Variants in HTR4 observed in about 807,000 individuals in gnomAD.
The protein encoded by HTR4 is 5-hydroxytryptamine (serotonin) receptor 4, G protein-coupled.
In HTR4, 16 loss-of-function variants were observed where a neutral mutation model predicts 36.8. The observed-to-expected ratio is 0.43, with a 90% CI of 0.29 to 0.66. The LOEUF is 0.66. HTR4 is among the 30% of genes least tolerant of loss of function. The pLI is 0.13. For missense variants in HTR4, 438 were observed against 490.9 expected, an observed-to-expected ratio of 0.89 and a Z score of 1.02; for synonymous variants, 189 against 185.1, an observed-to-expected ratio of 1.02 and a Z score of -0.17.
chr5:148,648,698 G>A (rs1274668671), intron 1 of HTR4, among the ~76,000 whole-genome samples: 5 of 152,026 alleles, frequency 3.3e-5, no homozygotes, highest in East Asian at 1.9e-4. Context: ...AAAATTTACC[G>A]CAACCACAAG....
At chr5:148,635,284 T>C (rs1465507719) in intron 2 of HTR4, among the ~76,000 whole-genome samples, 1 of 152,198 alleles carries the variant, frequency 6.6e-6, no homozygotes, top group East Asian at 1.9e-4. Flanking sequence ...AAACATCTTT[T>C]ATTATGGACA....
At chr5:148,626,827 T>C (rs1753127087) in intron 2 of HTR4, among the ~76,000 whole-genome samples, 1 of 152,190 alleles carries the variant, frequency 6.6e-6, no homozygotes, top group African/African-American at 2.4e-5. Flanking sequence ...GCAGATATGA[T>C]TAGAATCCTC....
chr5:148,617,547 C>A (rs1234509687), intron 2 of HTR4, among the ~76,000 whole-genome samples: 1 of 151,818 alleles, frequency 6.6e-6, no homozygotes, highest in Admixed American at 6.6e-5. Context: ...TGGCTCACTG[C>A]AACCCCCACC....
intron 2 of HTR4, among the ~76,000 whole-genome samples, chr5:148,610,898 G>A (rs1041414837): frequency 1.1e-4 from 17 of 149,074 alleles, no homozygotes; most frequent in South Asian, 6.6e-4. Context: ...CTCAGGAGCC[G>A]ATGCGATCAA....
At chr5:148,581,590 G>A (rs1011923040) in intron 2 of HTR4, among the ~76,000 whole-genome samples, 25 of 152,062 alleles carry the variant, frequency 1.6e-4, no homozygotes, top group African/African-American at 5.8e-4. Context: ...TTATTGAAGA[G>A]ACTGTCCTTC....
downstream of HTR4, among the ~76,000 whole-genome samples, chr5:148,479,307 T>C (rs1056507204): frequency 1.3e-5 from 2 of 151,980 alleles, no homozygotes; most frequent in African/African-American, 4.8e-5. Flanking sequence ...GTCAGAAAAT[T>C]CTCTAGCTTC....
intron 6 of HTR4, 82 bp downstream of exon 6, chr5:148,509,374 C>G: frequency 9.2e-7 from 1 of 1,085,074 alleles, no homozygotes; most frequent in Non-Finnish European, 1.3e-6. Context: ...GGGATAACCC[C>G]TTTGGAAACA....
intron 2 of HTR4, among the ~76,000 whole-genome samples, chr5:148,584,724 T>C (rs992316864): frequency 1.3e-5 from 2 of 152,104 alleles, no homozygotes; most frequent in African/African-American, 2.4e-5. Flanking sequence ...CAACAAGATA[T>C]AGTTTGGGCC....
intron 5 of HTR4, among the ~76,000 whole-genome samples, chr5:148,455,182 T>G (rs1035566023): frequency 1.2e-4 from 19 of 152,198 alleles, no homozygotes; most frequent in African/African-American, 3.9e-4. Flanking sequence ...ATTAGAAAAC[T>G]GAGGCTCAGA....
At position 148,589,052 on chromosome 5, in the gene HTR4, C is replaced by T. The variant is rs555268308; in HGVS notation, c.27-38790G>A. On this transcript the variant is annotated intron_variant, in intron 2 of 6. Coordinates refer to ENST00000377888, the MANE Select transcript of HTR4 (RefSeq NM_000870.7). Reference sequence around the variant, plus strand: ...ATGTATACACTGAGTCCATCTTAATCGATACTCCACTATATGAATAACCCA... The same window carrying T: ...ATGTATACACTGAGTCCATCTTAATTGATACTCCACTATATGAATAACCCA... 2.1e-3 allele frequency among the ~76,000 whole-genome samples: 314 copies of T among 152,094 alleles called. 1 individual carries two copies. Among genetic ancestry groups the T allele is most frequent in the African/African-American group, 7.3e-3 (302 of 41,504 alleles).
At chr5:148,477,575 T>G (rs762596438), downstream of HTR4, among the ~76,000 whole-genome samples, 5 of 152,182 alleles carry the variant, frequency 3.3e-5, no homozygotes, top group Middle Eastern at 3.2e-3. Context: ...CCACATTAAC[T>G]TCTCTGACGT....
At chr5:148,472,702 G>T (rs1319166920), downstream of HTR4, among the ~76,000 whole-genome samples, 1 of 152,114 alleles carries the variant, frequency 6.6e-6, no homozygotes, top group Non-Finnish European at 1.5e-5. Context: ...GTTTTAACTG[G>T]CAGGCGATGG....
chr5:148,464,848 T>C (rs1157555283), intron 5 of HTR4, among the ~76,000 whole-genome samples: 1 of 152,122 alleles, frequency 6.6e-6, no homozygotes, highest in Non-Finnish European at 1.5e-5. Context: ...AGTAGGTGAA[T>C]GGATAAATTG....
chr5:148,520,899 A>G, intron 5 of HTR4: 1 of 1,367,746 alleles, frequency 7.3e-7, no homozygotes. Context: ...TCAGAATCCT[A>G]AGGAATACTT....
intron 6 of HTR4, among the ~76,000 whole-genome samples, chr5:148,508,921 G>A (rs147899859): frequency 0.016 from 2,395 of 151,868 alleles, 33 homozygotes; most frequent in Middle Eastern, 0.048. Context: ...ATTCTCATCT[G>A]TTTTAAAGGT....
At chr5:148,523,535 A>C (rs568325522) in intron 4 of HTR4, among the ~76,000 whole-genome samples, 189 bp from the exon 5 acceptor site, 1 of 152,236 alleles carries the variant, frequency 6.6e-6, no homozygotes, top group South Asian at 2.1e-4. Context: ...GAAAGAATAC[A>C]GGGTAAAAAG....
intron 4 of HTR4, among the ~76,000 whole-genome samples, chr5:148,536,754 C>T (rs548419490): frequency 7.9e-5 from 12 of 152,234 alleles, no homozygotes; most frequent in African/African-American, 2.6e-4. Flanking sequence ...TCTTAGAGAC[C>T]TACAAAGAGA....
At chr5:148,492,659 A>G (rs1418798384) in intron 6 of HTR4, among the ~76,000 whole-genome samples, 1 of 152,232 alleles carries the variant, frequency 6.6e-6, no homozygotes, top group East Asian at 1.9e-4. Context: ...TGTAATAGGA[A>G]CTGGCATATC....
chr5:148,609,585 T>A (rs988178571), intron 2 of HTR4, among the ~76,000 whole-genome samples: 3 of 151,594 alleles, frequency 2.0e-5, no homozygotes, highest in Non-Finnish European at 4.4e-5. Context: ...TTAAGGGTTT[T>A]TTTTTTTTTT....
Sources: gnomAD v4.1 joint callset for allele counts (sites outside exome capture counted in the v4.1 genomes callset) on GRCh38, gnomAD v4.1.1 for gene constraint, MANE v1.5 for transcripts, NCBI Gene and HGNC (gene_info 2026-07-23, HGNC 2026-07-21) for gene names.